MACROD2: variants seen among roughly 807,000 people sequenced by gnomAD.
MACROD2 encodes mono-ADP ribosylhydrolase 2.
Under a neutral mutation model 70.4 loss-of-function variants are expected in MACROD2, and 36 were observed. The observed-to-expected ratio is 0.51, with a 90% CI of 0.39 to 0.68. MACROD2 has a LOEUF of 0.68. Among genes scored for constraint, MACROD2 ranks in the 30% least tolerant of loss-of-function variants. The pLI is 0.00. For missense variants in MACROD2, 496 were observed against 538.4 expected (o/e 0.92, Z 0.78); for synonymous variants, 172 against 178.8 (o/e 0.96, Z 0.30).
intron 3 of MACROD2, among the ~76,000 whole-genome samples, chr20:14,199,986 T>C (rs1168772503): frequency 6.6e-6 from 1 of 152,206 alleles, no homozygotes; most frequent in Non-Finnish European, 1.5e-5. Context: ...GTAAATATCA[T>C]AAGAACCAAT....
intron 8 of MACROD2, among the ~76,000 whole-genome samples, chr20:15,564,902 T>A (rs1448333136): frequency 6.6e-6 from 1 of 152,236 alleles, no homozygotes; most frequent in African/African-American, 2.4e-5. Context: ...TTTTCTTACA[T>A]GACCCCAGAT....
At chr20:15,181,007 CAT>C (rs778211100) in intron 5 of MACROD2, among the ~76,000 whole-genome samples, 2 of 152,128 alleles carry the variant, frequency 1.3e-5, no homozygotes, top group African/African-American at 2.4e-5. Context: ...AAAAGTTACA[CAT>C]GTTTTTATTG....
intron 3 of MACROD2, among the ~76,000 whole-genome samples, chr20:14,486,746 TG>T (rs2084740317): frequency 6.6e-6 from 1 of 152,126 alleles, no homozygotes; most frequent in Admixed American, 6.5e-5. Flanking sequence ...CTCAAACTCC[TG>T]GCCTCAGGTG....
At chr20:15,819,771 G>A (rs1002913018) in intron 8 of MACROD2, among the ~76,000 whole-genome samples, 1 of 152,006 alleles carries the variant, frequency 6.6e-6, no homozygotes, top group Non-Finnish European at 1.5e-5. Context: ...TGGGAAGAGG[G>A]GGAGGAAATG....
intron 5 of MACROD2, among the ~76,000 whole-genome samples, chr20:14,967,407 G>T (rs1022718379): frequency 6.6e-6 from 1 of 152,028 alleles, no homozygotes; most frequent in African/African-American, 2.4e-5. Flanking sequence ...CAGGCAATCC[G>T]CCCGCCTCGG....
At chr20:15,278,401 C>G (rs1158787619) in intron 6 of MACROD2, among the ~76,000 whole-genome samples, 1 of 152,070 alleles carries the variant, frequency 6.6e-6, no homozygotes, top group East Asian at 1.9e-4. Flanking sequence ...GAAAAGTGAA[C>G]AGGATGCAGT....
At chr20:14,867,079 C>G (rs364980) in intron 5 of MACROD2, among the ~76,000 whole-genome samples, 42,622 of 151,882 alleles carry the variant, frequency 0.28, 6,373 homozygotes, top group Non-Finnish European at 0.33. Flanking sequence ...TGTGTGCATT[C>G]CTCAAGGATC....
chr20:14,294,845 A>AATGAGT (rs1448709752), intron 3 of MACROD2, among the ~76,000 whole-genome samples: 1 of 151,780 alleles, frequency 6.6e-6, no homozygotes, highest in Non-Finnish European at 1.5e-5. Flanking sequence ...GATGAATAAA[A>AATGAGT]ATGAGTAAGC....
At chr20:14,883,358 C>T (rs1046823888) in intron 5 of MACROD2, among the ~76,000 whole-genome samples, 1 of 152,214 alleles carries the variant, frequency 6.6e-6, no homozygotes, top group Non-Finnish European at 1.5e-5. Flanking sequence ...TCAATGAAGA[C>T]AGTGATTAGG....
At chr20:15,395,120 T>C (rs2045843642) in intron 6 of MACROD2, among the ~76,000 whole-genome samples, 1 of 152,244 alleles carries the variant, frequency 6.6e-6, no homozygotes, top group African/African-American at 2.4e-5. Flanking sequence ...TAATTTGATA[T>C]CACAGTAAAA....
chr20:14,014,033 ATTCT>A (rs1274135623), intron 2 of MACROD2, among the ~76,000 whole-genome samples: 1 of 152,136 alleles, frequency 6.6e-6, no homozygotes, highest in Non-Finnish European at 1.5e-5. Context: ...AAGATGGAAA[ATTCT>A]TTCTTTATAT....
At chr20:15,982,889 C>T (rs896790189) in intron 13 of MACROD2, among the ~76,000 whole-genome samples, 3 of 147,632 alleles carry the variant, frequency 2.0e-5, no homozygotes, top group Admixed American at 6.7e-5. Context: ...GCTACCAGGG[C>T]GCTTGGACGT....
chr20:15,001,525 C>T (rs1354333186), intron 5 of MACROD2, among the ~76,000 whole-genome samples: 1 of 152,000 alleles, frequency 6.6e-6, no homozygotes, highest in Non-Finnish European at 1.5e-5. Flanking sequence ...GTATTTATAA[C>T]ATATTATTAT....
At chr20:15,039,552 T>C (rs969435435) in intron 5 of MACROD2, among the ~76,000 whole-genome samples, 1 of 152,120 alleles carries the variant, frequency 6.6e-6, no homozygotes, top group Non-Finnish European at 1.5e-5. Context: ...GGTGCCATAC[T>C]TCATGGTATT....
rs116554389 is a variant in MACROD2, at chr20:15,241,634, C to T, written c.540+11573C>T. The stretch of plus-strand genomic sequence containing the variant: ...GGGCAGTATGGTGAATCAATCAGGA[C>T]GCTGTCTTGCAGAACAAGTGAAACA... On this transcript the variant is annotated intron_variant, in intron 6 of 17. Coordinates refer to ENST00000684519, the MANE Select transcript of MACROD2 (RefSeq NM_001351661.2). 7.2e-3 allele frequency among the ~76,000 whole-genome samples: 1,093 copies of T among 151,996 alleles called. 11 individuals carry two copies. Among genetic ancestry groups the T allele is most frequent in the African/African-American group, 0.025 (1,037 of 41,468 alleles).
At chr20:15,475,182 A>T (rs1600465512) in intron 7 of MACROD2, among the ~76,000 whole-genome samples, 1 of 152,268 alleles carries the variant, frequency 6.6e-6, no homozygotes, top group African/African-American at 2.4e-5. Context: ...ATACTATTCC[A>T]TTTTTTATCA....
At chr20:14,753,768 A>G (rs1348544726) in intron 5 of MACROD2, among the ~76,000 whole-genome samples, 1 of 152,138 alleles carries the variant, frequency 6.6e-6, no homozygotes, top group Non-Finnish European at 1.5e-5. Context: ...GGGTAATATC[A>G]GACCATAAAA....
At chr20:14,261,675 A>T (rs115976793) in intron 3 of MACROD2, among the ~76,000 whole-genome samples, 1 of 152,140 alleles carries the variant, frequency 6.6e-6, no homozygotes, top group African/African-American at 2.4e-5. Flanking sequence ...CAAATGATTT[A>T]TTCGTTCCTT....
chr20:15,798,771 C>G (rs2063698037), intron 8 of MACROD2, among the ~76,000 whole-genome samples: 1 of 152,154 alleles, frequency 6.6e-6, no homozygotes. Context: ...GTCCCAGCAT[C>G]AGAGCACAGA....
Sources: gnomAD v4.1 joint callset for allele counts (sites outside exome capture counted in the v4.1 genomes callset) on GRCh38, gnomAD v4.1.1 for gene constraint, MANE v1.5 for transcripts, NCBI Gene and HGNC (gene_info 2026-07-23, HGNC 2026-07-21) for gene names.